BCL2L1: variants seen among roughly 807,000 people sequenced by gnomAD.
BCL2L1 encodes BCL2 like 1.
In BCL2L1, 1 loss-of-function variant was observed where a neutral mutation model predicts 18.7. The observed-to-expected ratio is 0.05, with a 90% CI of 0.02 to 0.25. BCL2L1 has a LOEUF of 0.25. BCL2L1 is among the 10% of genes least tolerant of loss of function. The pLI is 1.00. For missense variants in BCL2L1, 207 were observed against 304.9 expected, an observed-to-expected ratio of 0.68 and a Z score of 2.39; for synonymous variants, 103 against 122.7, an observed-to-expected ratio of 0.84 and a Z score of 1.06.
chr20:31,723,753 G>A, upstream of BCL2L1: 1 of 985,414 alleles, frequency 1.0e-6, no homozygotes. Context: ...CCCGCGAGCC[G>A]TGGGGGGCCA....
intron 2 of BCL2L1, among the ~76,000 whole-genome samples, chr20:31,669,972 A>G (rs2060642449): frequency 6.6e-6 from 1 of 152,250 alleles, no homozygotes; most frequent in African/African-American, 2.4e-5. Flanking sequence ...GGGAACACTC[A>G]GCAAACAGAT....
rs1344350281 is a variant in BCL2L1, at chr20:31,703,398, C to T, written c.564+18257G>A. On this transcript the variant is annotated intron_variant, in intron 2 of 2. Transcript: ENST00000307677. ...TGCATCATGTTGGCCAGGCTGGTCTCGAACTCCTGACCTCAGGTGATCCAC... is the reference window on the plus strand; with the variant it reads ...TGCATCATGTTGGCCAGGCTGGTCTTGAACTCCTGACCTCAGGTGATCCAC... Among the ~76,000 whole-genome samples the T allele has an allele frequency of 2.0e-5, 3 of 150,446 alleles. No homozygotes were observed. In the South Asian group the frequency reaches 6.3e-4, roughly 32 times the overall value.
chr20:31,698,700 G>A (rs979823960), intron 2 of BCL2L1, among the ~76,000 whole-genome samples: 4 of 151,864 alleles, frequency 2.6e-5, no homozygotes, highest in African/African-American at 4.8e-5. Context: ...CACCACACCC[G>A]GCTAATTTTT....
chr20:31,696,421 A>G, intron 2 of BCL2L1, among the ~76,000 whole-genome samples: 1 of 152,192 alleles, frequency 6.6e-6, no homozygotes, highest in Non-Finnish European at 1.5e-5. Context: ...GCCTGCACCC[A>G]TGCAAACACA....
Position 31,721,006 on chromosome 20 carries a change from C to A in BCL2L1, c.564+649G>T, listed in dbSNP as rs1342580426. 7.1e-6 allele frequency: 7 copies of A among 983,840 alleles called. No homozygotes were observed. The African/African-American group carries it at 1.2e-4, about 17-fold the overall frequency. 60.9% of individuals were successfully genotyped at this position (983,840 alleles called of 1,614,324 possible). On this transcript the variant is annotated intron_variant, in intron 2 of 2. Transcript: ENST00000307677. ...AGGCAACCATGCAGAAAGTCGCACA[C>A]TTTGGGGGAAATGAACTTAGGGGGC...
intron 2 of BCL2L1, among the ~76,000 whole-genome samples, chr20:31,706,648 G>A (rs955315651): frequency 1.3e-5 from 2 of 152,156 alleles, no homozygotes; most frequent in Admixed American, 6.5e-5. Context: ...GTTTACAGAG[G>A]GAAGTAACTT....
intron 2 of BCL2L1, among the ~76,000 whole-genome samples, chr20:31,671,503 C>G (rs1426122757): frequency 1.3e-5 from 2 of 152,110 alleles, no homozygotes; most frequent in African/African-American, 4.8e-5. Flanking sequence ...CTATAGGACT[C>G]CATTTTGGAG....
chr20:31,691,518 TAAAAA>T (rs1029491128), intron 2 of BCL2L1, among the ~76,000 whole-genome samples: 2 of 126,232 alleles, frequency 1.6e-5, no homozygotes, highest in African/African-American at 3.7e-5. Context: ...TATCTCAAAA[TAAAAA>T]ATAAAATAAA....
chr20:31,666,120 T>C (rs1431398417), intron 2 of BCL2L1, 34 bp from the exon 3 acceptor site: 4 of 1,612,162 alleles, frequency 2.5e-6, no homozygotes, highest in Non-Finnish European at 3.4e-6. Context: ...GCAGTTTTAG[T>C]CCTCAGAGAG....
At chr20:31,720,857 A>G in intron 2 of BCL2L1, 1 of 985,424 alleles carries the variant, frequency 1.0e-6, no homozygotes, top group Non-Finnish European at 1.2e-6. Context: ...CAGTGCTTGA[A>G]GAGGCCCCTG....
At chr20:31,675,507 G>T (rs1428696927) in intron 2 of BCL2L1, among the ~76,000 whole-genome samples, 2 of 152,214 alleles carry the variant, frequency 1.3e-5, no homozygotes. Flanking sequence ...AGACTCGGAA[G>T]AAGTGAGGTT....
intron 2 of BCL2L1, among the ~76,000 whole-genome samples, chr20:31,715,606 C>T (rs961265317): frequency 2.6e-5 from 4 of 152,212 alleles, no homozygotes; most frequent in African/African-American, 9.7e-5. Flanking sequence ...GGACTCAGGA[C>T]ATACCATCCC....
chr20:31,687,006 G>T (rs2060968075), intron 2 of BCL2L1, among the ~76,000 whole-genome samples: 1 of 152,096 alleles, frequency 6.6e-6, no homozygotes, highest in African/African-American at 2.4e-5. Context: ...TCCCAAGAAG[G>T]ATTATTGTGA....
chr20:31,723,148 T>G, upstream of BCL2L1: 1 of 320,778 alleles, frequency 3.1e-6, no homozygotes, highest in Non-Finnish European at 4.5e-6. Context: ...CAATCTGACT[T>G]TGGGAAGGCC....
rs755249882 is a variant in BCL2L1, at chr20:31,666,078, A to G, written c.573T>C (p.Phe191=). ...CTGCATTGTTCCCATAGAGTTCCAC[A>G]AAAGTATCCTGCAGGGAGAGAGAAG... ...WIQENGGWDT[F]VELYGNNAAA... is the part of the protein sequence containing the mutation. The change falls in exon 3 of 3, where the codon TTT becomes TTC. Residue 191 remains phenylalanine (F), a synonymous_variant. Transcript: ENST00000307677. 6 of 1,614,052 alleles carry G rather than the reference A, an allele frequency of 3.7e-6. No homozygotes were observed. In the East Asian group the frequency reaches 1.1e-4, roughly 30 times the overall value.
At position 31,664,606 on chromosome 20, in the gene BCL2L1, G is replaced by C; in HGVS notation, c.*1343C>G. On this transcript the variant is annotated 3_prime_UTR_variant, in exon 3 of 3. Coordinates refer to ENST00000307677, the MANE Select transcript of BCL2L1 (RefSeq NM_138578.3). ...ACCCTCGGCCAGCTTCCCTGGACCAGGGCAGGGGAGGGAGCATCAGGCCGT... is the reference window on the plus strand; with the variant it reads ...ACCCTCGGCCAGCTTCCCTGGACCACGGCAGGGGAGGGAGCATCAGGCCGT... 4.7e-6 allele frequency: 1 copy of C among 211,042 alleles called. No homozygotes were observed. The highest frequency in any genetic ancestry group is 9.7e-6 in the Non-Finnish European group (1 of 103,528). 13.1% of individuals were successfully genotyped at this position (211,042 alleles called of 1,614,324 possible). A position where few individuals can be genotyped will look rare whatever the true frequency, so the allele number is the denominator to read the frequency against.
At chr20:31,683,328 T>G (rs1600800008) in intron 2 of BCL2L1, among the ~76,000 whole-genome samples, 1 of 152,342 alleles carries the variant, frequency 6.6e-6, no homozygotes, top group Non-Finnish European at 1.5e-5. Context: ...GTTACATGGT[T>G]TCCTCCCTCA....
chr20:31,685,059 C>T (rs145187436), intron 2 of BCL2L1, among the ~76,000 whole-genome samples: 139 of 152,262 alleles, frequency 9.1e-4, no homozygotes, highest in African/African-American at 3.0e-3. Context: ...TGCTTTCTAC[C>T]AAGGTCCTCC....
chr20:31,715,539 C>T (rs989712480), intron 2 of BCL2L1, among the ~76,000 whole-genome samples: 1 of 152,150 alleles, frequency 6.6e-6, no homozygotes, highest in Non-Finnish European at 1.5e-5. Context: ...CTACATCATC[C>T]ACCTCCTTAC....
Sources: gnomAD v4.1 joint callset for allele counts (sites outside exome capture counted in the v4.1 genomes callset) on GRCh38, gnomAD v4.1.1 for gene constraint, MANE v1.5 for transcripts, NCBI Gene and HGNC (gene_info 2026-07-23, HGNC 2026-07-21) for gene names.